Variants in C7orf78 observed in about 807,000 individuals in gnomAD.
The protein encoded by C7orf78 is putative uncharacterized protein C7orf78.
chr7:12,500,149 C>T, the C7orf78 span, among the ~76,000 whole-genome samples: 3 of 143,806 alleles, frequency 2.1e-5, no homozygotes, highest in African/African-American at 7.8e-5. Flanking sequence ...AAATTGACAC[C>T]CTAACATCAC....
chr7:12,498,384 C>A, the C7orf78 span, among the ~76,000 whole-genome samples: 1 of 150,502 alleles, frequency 6.6e-6, no homozygotes, highest in African/African-American at 2.4e-5. Context: ...CAGAGAAGTG[C>A]TTAAAGGAGC....
chr7:12,529,935 A>G, the C7orf78 span, among the ~76,000 whole-genome samples: 26 of 152,198 alleles, frequency 1.7e-4, no homozygotes, highest in Non-Finnish European at 2.9e-4. Context: ...CCCACTTTTA[A>G]CTACATGCAA....
At chr7:12,528,798 T>G in the C7orf78 span, 1 of 396,246 alleles carries the variant, frequency 2.5e-6, no homozygotes, top group Non-Finnish European at 4.4e-6. Flanking sequence ...ATCCAGCGAC[T>G]TACCACTCCT....
chr7:12,535,565 C>G, the C7orf78 span, among the ~76,000 whole-genome samples: 1 of 152,130 alleles, frequency 6.6e-6, no homozygotes, highest in Non-Finnish European at 1.5e-5. Flanking sequence ...ATCTCATGTC[C>G]TCACATTTCA....
chr7:12,484,832 G>C, the C7orf78 span, among the ~76,000 whole-genome samples: 13,606 of 148,974 alleles, frequency 0.091, 813 homozygotes, highest in Non-Finnish European at 0.13. Flanking sequence ...ATGTTACTTG[G>C]AATTTACTCA....
chr7:12,536,103 G>C, the C7orf78 span, among the ~76,000 whole-genome samples: 14,740 of 152,238 alleles, frequency 0.097, 1,266 homozygotes, highest in African/African-American at 0.23. Context: ...TGGTACCCCA[G>C]TGAGGACTCT....
the C7orf78 span, among the ~76,000 whole-genome samples, chr7:12,501,383 T>A: frequency 2.0e-5 from 3 of 150,326 alleles, no homozygotes; most frequent in South Asian, 2.1e-4. Context: ...TTCAGCAAAG[T>A]CTCAGGATAC....
chr7:12,500,298 T>G, the C7orf78 span, among the ~76,000 whole-genome samples: 1 of 151,592 alleles, frequency 6.6e-6, no homozygotes, highest in African/African-American at 2.4e-5. Flanking sequence ...GGAGCTTGTT[T>G]TTTGAAATGA....
the C7orf78 span, among the ~76,000 whole-genome samples, chr7:12,492,628 C>T: frequency 6.6e-6 from 1 of 152,190 alleles, no homozygotes; most frequent in African/African-American, 2.4e-5. Flanking sequence ...GAGTACTAAA[C>T]TCACTCCCAG....
At chr7:12,483,909 C>A in the C7orf78 span, 3 of 144,688 alleles carry the variant, frequency 2.1e-5, no homozygotes, top group East Asian at 2.3e-4. Context: ...AGAAAGAAAT[C>A]TCCATGAGAG....
chr7:12,488,171 A>G, the C7orf78 span, among the ~76,000 whole-genome samples: 1 of 152,066 alleles, frequency 6.6e-6, no homozygotes, highest in Admixed American at 6.6e-5. Context: ...ATGTTTCTTT[A>G]AAAAGAAATA....
chr7:12,510,559 A>T, the C7orf78 span, among the ~76,000 whole-genome samples: 1 of 151,692 alleles, frequency 6.6e-6, no homozygotes, highest in Non-Finnish European at 1.5e-5. Context: ...TTTTTTCTAT[A>T]CTCTTGCCAG....
the C7orf78 span, among the ~76,000 whole-genome samples, chr7:12,488,433 C>G: frequency 2.0e-5 from 3 of 152,038 alleles, no homozygotes; most frequent in African/African-American, 7.2e-5. Flanking sequence ...TACAAACTAA[C>G]TAAATTGTAG....
chr7:12,528,942 T>G, the C7orf78 span: 1 of 398,452 alleles, frequency 2.5e-6, no homozygotes, highest in Non-Finnish European at 4.4e-6. Flanking sequence ...AACAGAAGAC[T>G]AGTACAGAAA....
At chr7:12,503,179 T>C in the C7orf78 span, among the ~76,000 whole-genome samples, 38,528 of 112,016 alleles carry the variant, frequency 0.34, 8,491 homozygotes, top group South Asian at 0.36. Context: ...CACATGTATA[T>C]GTATGTAACT....
chr7:12,538,567 C>G, the C7orf78 span: 2 of 152,310 alleles, frequency 1.3e-5, no homozygotes, highest in South Asian at 4.1e-4. Context: ...TAGACAGAGG[C>G]CTCATTTGGC....
the C7orf78 span, chr7:12,530,566 T>G: frequency 6.6e-6 from 1 of 152,242 alleles, no homozygotes; most frequent in African/African-American, 2.4e-5. Flanking sequence ...CTTCTCACCT[T>G]CTCTTCCCAT....
the C7orf78 span, among the ~76,000 whole-genome samples, chr7:12,488,130 T>C: frequency 1.1e-4 from 17 of 152,060 alleles, no homozygotes; most frequent in Non-Finnish European, 1.8e-4. Flanking sequence ...GTTTAGTGAA[T>C]TATAAATATT....
chr7:12,536,985 G>C, the C7orf78 span, among the ~76,000 whole-genome samples: 1 of 152,054 alleles, frequency 6.6e-6, no homozygotes, highest in East Asian at 1.9e-4. Context: ...CCATACTTTT[G>C]CACATTTTCC....
Sources: allele counts gnomAD v4.1 joint callset (sites outside exome capture counted in the v4.1 genomes callset), GRCh38; gene constraint gnomAD v4.1.1; transcripts MANE v1.5; gene names NCBI Gene and HGNC (gene_info 2026-07-23, HGNC 2026-07-21).